ZBTB20: variants seen among roughly 807,000 people sequenced by gnomAD.
ZBTB20 encodes the protein zinc finger and BTB domain containing 20, also known as zinc finger and BTB domain-containing protein 20.
ZBTB20 carries 9 observed loss-of-function variants against 56.9 expected under a neutral mutation model. The observed-to-expected ratio is 0.16, with a 90% CI of 0.10 to 0.28. The LOEUF (loss-of-function observed/expected upper bound fraction) is 0.28. Among genes scored for constraint, ZBTB20 ranks in the 10% least tolerant of loss-of-function variants. The pLI is 1.00. For synonymous variants in ZBTB20, 417 were observed against 420.7 expected, an observed-to-expected ratio of 0.99 and a Z score of 0.11; for missense variants, 655 against 1,003.0, an observed-to-expected ratio of 0.65 and a Z score of 4.69.
chr3:114,599,757 G>C (rs2107619694), intron 6 of ZBTB20, among the ~76,000 whole-genome samples: 1 of 151,946 alleles, frequency 6.6e-6, no homozygotes, highest in African/African-American at 2.4e-5. Flanking sequence ...TAGAAATGTT[G>C]AAAAACTTGC....
At chr3:114,698,000 T>G (rs1035998468) in intron 5 of ZBTB20, among the ~76,000 whole-genome samples, 1 of 152,118 alleles carries the variant, frequency 6.6e-6, no homozygotes, top group Non-Finnish European at 1.5e-5. Context: ...ATGTGTCAAA[T>G]TACTTGAAAC....
intron 5 of ZBTB20, among the ~76,000 whole-genome samples, chr3:114,696,816 A>C (rs1408767932): frequency 6.6e-6 from 1 of 152,030 alleles, no homozygotes; most frequent in Non-Finnish European, 1.5e-5. Flanking sequence ...AGAGAAAAAG[A>C]GAGAGAGAAA....
At chr3:114,950,266 G>A (rs531021557) in intron 3 of ZBTB20, among the ~76,000 whole-genome samples, 71 of 151,962 alleles carry the variant, frequency 4.7e-4, no homozygotes, top group Non-Finnish European at 5.1e-4. Context: ...AAGATTTAAC[G>A]TATTTATACC....
chr3:114,540,817 G>A lies in ZBTB20; in HGVS notation c.-294-40426C>T, dbSNP rs150120681. ...GCAAATATCCCTAATGAAGAATCAT[G>A]GTACAGGGTTAAATTTACAAATTAA... On this transcript the variant is annotated intron_variant, in intron 6 of 11. Coordinates refer to ENST00000675478, the MANE Select transcript of ZBTB20 (RefSeq NM_001348800.3). Among the ~76,000 whole-genome samples the A allele has an allele frequency of 2.5e-3, 382 of 152,060 alleles. 1 individual carries two copies. The highest frequency in any genetic ancestry group is 9.0e-3 in the African/African-American group (374 of 41,494).
At chr3:115,043,937 A>C (rs2081246574) in intron 2 of ZBTB20, among the ~76,000 whole-genome samples, 1 of 152,096 alleles carries the variant, frequency 6.6e-6, no homozygotes, top group Non-Finnish European at 1.5e-5. Flanking sequence ...GTAATAAGTG[A>C]GCTCTCACTC....
chr3:114,751,882 G>A (rs1164625453), intron 5 of ZBTB20, among the ~76,000 whole-genome samples: 1 of 151,996 alleles, frequency 6.6e-6, no homozygotes, highest in Non-Finnish European at 1.5e-5. Context: ...TAATATCTCT[G>A]ACCCGCTCTC....
chr3:114,908,395 T>C (rs1447197333), intron 3 of ZBTB20, among the ~76,000 whole-genome samples: 1 of 152,044 alleles, frequency 6.6e-6, no homozygotes, highest in East Asian at 1.9e-4. Context: ...CCCAGGGGAA[T>C]TATCCAGCTC....
intron 6 of ZBTB20, among the ~76,000 whole-genome samples, chr3:114,689,930 C>A (rs1427522507): frequency 6.6e-6 from 1 of 151,836 alleles, no homozygotes; most frequent in African/African-American, 2.4e-5. Flanking sequence ...TAGTTCTAAC[C>A]TTTTCTGATA....
chr3:114,456,577 A>G (rs1437888466), intron 7 of ZBTB20, among the ~76,000 whole-genome samples: 1 of 152,198 alleles, frequency 6.6e-6, no homozygotes, highest in African/African-American at 2.4e-5. Context: ...TTAGGTATGT[A>G]CAACCTTTCC....
At chr3:114,818,601 G>GA (rs1047497982) in intron 4 of ZBTB20, among the ~76,000 whole-genome samples, 3 of 151,230 alleles carry the variant, frequency 2.0e-5, no homozygotes, top group South Asian at 2.1e-4. Flanking sequence ...ATATTTACCA[G>GA]AAAAAAAAGA....
At chr3:114,916,547 A>G (rs1419775369) in intron 3 of ZBTB20, among the ~76,000 whole-genome samples, 1 of 152,102 alleles carries the variant, frequency 6.6e-6, no homozygotes, top group Non-Finnish European at 1.5e-5. Context: ...TTCTAATTGA[A>G]GTACTCCATT....
chr3:114,755,966 G>A (rs991253471), intron 5 of ZBTB20, among the ~76,000 whole-genome samples: 1 of 152,150 alleles, frequency 6.6e-6, no homozygotes, highest in Non-Finnish European at 1.5e-5. Flanking sequence ...AAAGGCAACT[G>A]TATAGCACTT....
intron 2 of ZBTB20, among the ~76,000 whole-genome samples, chr3:114,981,437 A>C (rs937337095): frequency 6.6e-6 from 1 of 152,150 alleles, no homozygotes; most frequent in Non-Finnish European, 1.5e-5. Context: ...GAAACAAAAT[A>C]GTGCTGCTTT....
chr3:114,687,818 G>T (rs1251305313), intron 6 of ZBTB20: 2 of 152,162 alleles, frequency 1.3e-5, no homozygotes, highest in Non-Finnish European at 2.9e-5. Flanking sequence ...AGTCATCCAA[G>T]AAATAATACA....
chr3:114,829,821 C>T (rs893172464), intron 4 of ZBTB20, among the ~76,000 whole-genome samples: 2 of 151,802 alleles, frequency 1.3e-5, no homozygotes, highest in Non-Finnish European at 2.9e-5. Context: ...CTTTCTACTG[C>T]AAAGGTTTCC....
chr3:114,573,407 C>A (rs2053647892), intron 6 of ZBTB20, among the ~76,000 whole-genome samples: 1 of 149,280 alleles, frequency 6.7e-6, no homozygotes, highest in Non-Finnish European at 1.5e-5. Context: ...TTGCAGTGAG[C>A]CAAGATCTGA....
chr3:114,463,675 C>G (rs2092423049), intron 7 of ZBTB20, among the ~76,000 whole-genome samples: 1 of 152,148 alleles, frequency 6.6e-6, no homozygotes, highest in Admixed American at 6.5e-5. Context: ...TCCACTAGTT[C>G]AACAAGCATT....
chr3:115,054,975 T>A (rs2108450497), intron 2 of ZBTB20, among the ~76,000 whole-genome samples: 1 of 152,194 alleles, frequency 6.6e-6, no homozygotes, highest in Admixed American at 6.5e-5. Flanking sequence ...CAGGTCTGAG[T>A]TCTTATAGAA....
intron 7 of ZBTB20, among the ~76,000 whole-genome samples, chr3:114,464,137 T>C (rs540490129): frequency 6.6e-6 from 1 of 152,342 alleles, no homozygotes; most frequent in Admixed American, 6.5e-5. Flanking sequence ...TAGCATTTGC[T>C]TTCAAACTAT....
Sources: allele counts gnomAD v4.1 joint callset (sites outside exome capture counted in the v4.1 genomes callset), GRCh38; gene constraint gnomAD v4.1.1; transcripts MANE v1.5; gene names NCBI Gene and HGNC (gene_info 2026-07-23, HGNC 2026-07-21).